Variants in BACE1 observed in about 807,000 individuals in gnomAD.
BACE1 encodes the protein beta-secretase 1.
A neutral mutation model predicts 54.0 loss-of-function variants in BACE1; 21 were observed. That is an observed-to-expected ratio of 0.39 (90% confidence interval 0.28 to 0.56). BACE1 has a LOEUF of 0.56. Among genes scored for constraint, BACE1 ranks in the 20% least tolerant of loss-of-function variants. BACE1 has a pLI of 0.63. For missense variants in BACE1, 511 were observed against 661.2 expected, an observed-to-expected ratio of 0.77 and a Z score of 2.49; for synonymous variants, 232 against 260.9, an observed-to-expected ratio of 0.89 and a Z score of 1.07.
chr11:117,292,181 C>CTTTTTTTTTTTT (rs1173571595), intron 5 of BACE1: 3 of 62,850 alleles, frequency 4.8e-5, no homozygotes, highest in Admixed American at 2.5e-4. Context: ...CTTTTCTTTT[C>CTTTTTTTTTTTT]TTTTTTTTTT....
chr11:117,300,807 C>T (rs1019707130), intron 1 of BACE1, among the ~76,000 whole-genome samples: 3 of 152,156 alleles, frequency 2.0e-5, no homozygotes, highest in African/African-American at 7.2e-5. Context: ...CCACCCTGGC[C>T]CCATCTCCAC....
rs45506400 is a variant in BACE1, at chr11:117,293,530, A to C, written c.705+341T>G. On this transcript the variant is annotated intron_variant, in intron 4 of 8. Coordinates refer to ENST00000313005, the MANE Select transcript of BACE1 (RefSeq NM_012104.6). The surrounding 1 kb of genome is among the most constrained non-coding windows in gnomAD (Gnocchi z 4.1). ...TTCTCTGCTTATTGGAGAACCATTCACCATTGTTCTAATTAATTAATAAAT... is the reference window on the plus strand; with the variant it reads ...TTCTCTGCTTATTGGAGAACCATTCCCCATTGTTCTAATTAATTAATAAAT... The C allele has an allele frequency of 0.033, 9,024 of 271,354 alleles. 239 individuals are homozygous for C. Among genetic ancestry groups the C allele is most frequent in the South Asian group, 0.11 (961 of 8,892 alleles). The allele number at this position is 271,354 out of a possible 1,614,324, so 16.8% of individuals were successfully genotyped here. A position where few individuals can be genotyped will look rare whatever the true frequency, so the allele number is the denominator to read the frequency against.
chr11:117,312,615 A>G (rs375776904), intron 1 of BACE1, among the ~76,000 whole-genome samples: 2 of 152,224 alleles, frequency 1.3e-5, no homozygotes, highest in South Asian at 4.1e-4. Context: ...GGCGCCTGCC[A>G]CCATGCCCAG....
chr11:117,315,509 G>T lies in BACE1; in HGVS notation c.261+26C>A, dbSNP rs370598425. On this transcript the variant is annotated intron_variant, in intron 1 of 8. Coordinates refer to ENST00000313005, the MANE Select transcript of BACE1 (RefSeq NM_012104.6). This position sits in a 1 kb window ranked among gnomAD's most constrained non-coding sequence, Gnocchi z 5.5. ...TCCCCTCTGCTCATGCAGGCGGAGGGCTAAGGGCTGGCCTGACCACCTTAC... is the reference window on the plus strand; with the variant it reads ...TCCCCTCTGCTCATGCAGGCGGAGGTCTAAGGGCTGGCCTGACCACCTTAC... 3.2e-6 allele frequency: 5 copies of T among 1,568,732 alleles called. No individual in the cohort carries two copies. Among genetic ancestry groups the T allele is most frequent in the Non-Finnish European group, 4.3e-6 (5 of 1,161,392 alleles).
At chr11:117,313,898 C>A (rs1048060272) in intron 1 of BACE1, among the ~76,000 whole-genome samples, 3 of 152,176 alleles carry the variant, frequency 2.0e-5, no homozygotes, top group Non-Finnish European at 4.4e-5. Context: ...ACAATTAACC[C>A]TCACAACTTA....
Position 117,315,452 on chromosome 11 carries a change from C to T in BACE1, c.261+83G>A. The stretch of plus-strand genomic sequence containing the variant: ...TGCTGTCCCCACCAGCCCATTTGAG[C>T]AGGGGCTAGCTTGAGGCATCCCCAT... On this transcript the variant is annotated intron_variant, in intron 1 of 8. Transcript: ENST00000313005. This position sits in a 1 kb window ranked among gnomAD's most constrained non-coding sequence, Gnocchi z 5.5. 6.7e-7 allele frequency: 1 copy of T among 1,501,502 alleles called. No homozygotes were observed. Among genetic ancestry groups the T allele is most frequent in the Non-Finnish European group, 8.9e-7 (1 of 1,128,524 alleles). 93.0% of individuals were successfully genotyped at this position (1,501,502 alleles called of 1,614,324 possible). A position where few individuals can be genotyped will look rare whatever the true frequency, so the allele number is the denominator to read the frequency against.
In BACE1 at chr11:117,289,807, A is replaced by G; in HGVS notation, c.1265T>C (p.Val422Ala). The G allele has an allele frequency of 6.2e-7, 1 of 1,612,344 alleles. No homozygotes were observed. Among genetic ancestry groups the G allele is most frequent in the Admixed American group, 1.7e-5 (1 of 60,002 alleles). ...RIGFAVSACH[V>A]HDEFRTAAVE... Reference sequence around the variant, plus strand: ...CGCTGCCGTCCTGAACTCATCGTGCACTGGGGAGAGGGCAAATGTGAATGG... The same window carrying G: ...CGCTGCCGTCCTGAACTCATCGTGCGCTGGGGAGAGGGCAAATGTGAATGG... Residue 422 changes from valine to alanine, a missense_variant and splice_region_variant, in exon 9 of 9, where the codon GTG becomes GCG. Around this residue, in one of 2 missense-constraint regions of BACE1, gnomAD observed 407 missense variants for 565.7 expected, o/e 0.72. Transcript: ENST00000313005.
chr11:117,291,720 C>G lies in BACE1; in HGVS notation c.934G>C (p.Ala312Pro). The change falls in exon 6 of 9, where the codon GCC (alanine) becomes CCC (proline). Residue 312 changes from alanine (A) to proline (P), a missense_variant. Ala to Pro is a conservative substitution (Grantham distance 27). Transcript: ENST00000313005. ...FEAAVKSIKA[A>P]SSTEKFPDGF... Reference sequence around the variant, plus strand: ...ATCCTTAGTCCACTCACGGAGGAGGCTGCCTTGATGGATTTGACTGCAGCT... The same window carrying G: ...ATCCTTAGTCCACTCACGGAGGAGGGTGCCTTGATGGATTTGACTGCAGCT... The G allele has an allele frequency of 1.9e-6, 3 of 1,612,352 alleles. No homozygotes were observed. The highest frequency in any genetic ancestry group is 2.5e-6 in the Non-Finnish European group (3 of 1,178,536).
chr11:117,309,562 A>C (rs1365612457), intron 1 of BACE1, among the ~76,000 whole-genome samples: 2 of 152,152 alleles, frequency 1.3e-5, no homozygotes, highest in Non-Finnish European at 2.9e-5. Flanking sequence ...CAAAAACAAA[A>C]ACAAAACAAA....
chr11:117,299,634 C>A (rs764699578), intron 1 of BACE1: 3 of 391,028 alleles, frequency 7.7e-6, no homozygotes, highest in Non-Finnish European at 1.5e-5. Flanking sequence ...CCCTCCCTGC[C>A]CCTCTTCCCC....
chr11:117,290,781 C>T, intron 7 of BACE1, 119 bp downstream of exon 7: 1 of 1,550,002 alleles, frequency 6.5e-7, no homozygotes, highest in Non-Finnish European at 8.8e-7. Context: ...TCTGAGACCC[C>T]TTTACTGCTG....
chr11:117,303,680 T>C (rs2034772539), intron 1 of BACE1, among the ~76,000 whole-genome samples: 1 of 152,204 alleles, frequency 6.6e-6, no homozygotes, highest in Non-Finnish European at 1.5e-5. Context: ...ACACCCTTTA[T>C]TGGTACTACC....
At chr11:117,291,379 G>T (rs903964477) in intron 6 of BACE1, among the ~76,000 whole-genome samples, 2 of 151,686 alleles carry the variant, frequency 1.3e-5, no homozygotes, top group African/African-American at 2.4e-5. Context: ...CTGAGTTAAA[G>T]TGATTCTCCT....
intron 1 of BACE1, among the ~76,000 whole-genome samples, chr11:117,305,555 CAA>C (rs2034811514): frequency 6.6e-6 from 1 of 151,602 alleles, no homozygotes; most frequent in South Asian, 2.1e-4. Flanking sequence ...CAAGGAGTCC[CAA>C]TGTGGCTGGG....
Position 117,289,528 on chromosome 11 carries a change from G to C in BACE1, c.*38C>G. On this transcript the variant is annotated 3_prime_UTR_variant, in exon 9 of 9. Transcript: ENST00000313005. ...TGACCAAAGTGAACCACGGAGGTGT[G>C]GTCCAGGGGAATCTCTATCTTCTGC... 6.2e-7 allele frequency: 1 copy of C among 1,607,016 alleles called. No homozygotes were observed. Among genetic ancestry groups the C allele is most frequent in the Non-Finnish European group, 8.5e-7 (1 of 1,175,974 alleles).
At chr11:117,313,538 G>A (rs1310196362) in intron 1 of BACE1, among the ~76,000 whole-genome samples, 1 of 152,134 alleles carries the variant, frequency 6.6e-6, no homozygotes, top group African/African-American at 2.4e-5. Flanking sequence ...AGGTTCAAGC[G>A]ATTCTCCTGC....
At chr11:117,306,022 T>C (rs776371339) in intron 1 of BACE1, among the ~76,000 whole-genome samples, 3 of 151,896 alleles carry the variant, frequency 2.0e-5, no homozygotes, top group Admixed American at 6.6e-5. Context: ...GGCGACAGAG[T>C]GAGACTCCGT....
At chr11:117,292,869 T>G in intron 5 of BACE1, 185 bp downstream of exon 5, 1 of 626,610 alleles carries the variant, frequency 1.6e-6, no homozygotes. Context: ...TACCAGTCCC[T>G]AGGCCCCAAA....
intron 8 of BACE1, among the ~76,000 whole-genome samples, chr11:117,290,264 C>T (rs940670400): frequency 6.6e-6 from 1 of 152,150 alleles, no homozygotes; most frequent in African/African-American, 2.4e-5. Context: ...TCTTGCTGCT[C>T]TGGGTTTCCA....
Sources: gnomAD v4.1 joint callset for allele counts (sites outside exome capture counted in the v4.1 genomes callset) on GRCh38, gnomAD v4.1.1 for gene constraint, gnomAD v4.1.1 regional missense constraint, Gnocchi (gnomAD v3.1) non-coding constraint, MANE v1.5 for transcripts, NCBI Gene and HGNC (gene_info 2026-07-23, HGNC 2026-07-21) for gene names.